The following ADAM12 variants were observed in gnomAD, a reference collection of about 807,000 sequenced individuals.
ADAM12 encodes the protein ADAM metallopeptidase domain 12, also known as disintegrin and metalloproteinase domain-containing protein 12.
Under a neutral mutation model 106.4 loss-of-function variants are expected in ADAM12, and 70 were observed. The ratio of observed to expected loss-of-function variants is 0.66; its 90% CI spans 0.54 to 0.80. ADAM12 has a LOEUF of 0.80. Among genes scored for constraint, ADAM12 ranks in the 30% least tolerant of loss-of-function variants. ADAM12 has a pLI of 0.00. For missense variants in ADAM12, 1,010 were observed against 1,171.9 expected (o/e 0.86, Z 2.02); for synonymous variants, 420 against 433.5 (o/e 0.97, Z 0.39).
At chr10:126,371,128 C>T (rs143774990) in intron 1 of ADAM12, among the ~76,000 whole-genome samples, 1 of 152,348 alleles carries the variant, frequency 6.6e-6, no homozygotes, top group Non-Finnish European at 1.5e-5. Context: ...ATGTCCTAGC[C>T]TTGGCTTTCC....
At chr10:126,370,188 G>C (rs1856061436) in intron 1 of ADAM12, among the ~76,000 whole-genome samples, 2 of 152,152 alleles carry the variant, frequency 1.3e-5, no homozygotes, top group African/African-American at 4.8e-5. Flanking sequence ...AGTGAAAGAA[G>C]CTGAATTAGA....
intron 13 of ADAM12, among the ~76,000 whole-genome samples, chr10:126,065,770 C>T (rs1954855023): frequency 6.6e-6 from 1 of 152,116 alleles, no homozygotes; most frequent in Non-Finnish European, 1.5e-5. Flanking sequence ...TAAAAGTGAA[C>T]CACAATCAGG....
At chr10:126,042,218 C>T (rs1410916903) in intron 18 of ADAM12, 2 of 1,613,654 alleles carry the variant, frequency 1.2e-6, no homozygotes, top group African/African-American at 1.3e-5. Context: ...TTGGACTCTG[C>T]AGCTTCCTGC....
At chr10:126,170,075 T>G (rs1957092129) in intron 3 of ADAM12, among the ~76,000 whole-genome samples, 1 of 152,216 alleles carries the variant, frequency 6.6e-6, no homozygotes, top group Non-Finnish European at 1.5e-5. Context: ...ATTGGTGCTT[T>G]GAGGCAGAAG....
intron 3 of ADAM12, among the ~76,000 whole-genome samples, chr10:126,216,863 ACC>A (rs1313295186): frequency 1.3e-5 from 2 of 152,264 alleles, no homozygotes; most frequent in Middle Eastern, 3.4e-3. Flanking sequence ...TCCATGAGGT[ACC>A]CCCAAAGGGC....
At chr10:126,334,067 T>A (rs1044748913) in intron 1 of ADAM12, among the ~76,000 whole-genome samples, 1 of 152,244 alleles carries the variant, frequency 6.6e-6, no homozygotes, top group Non-Finnish European at 1.5e-5. Flanking sequence ...TATGTATTTA[T>A]ACACTGGTAT....
intron 17 of ADAM12, among the ~76,000 whole-genome samples, chr10:126,044,071 C>G (rs1954250733): frequency 6.6e-6 from 1 of 152,120 alleles, no homozygotes; most frequent in Non-Finnish European, 1.5e-5. Flanking sequence ...ATGTAACTAA[C>G]TGAAAGTACA....
intron 1 of ADAM12, among the ~76,000 whole-genome samples, chr10:126,348,537 G>A (rs1288243961): frequency 6.6e-6 from 1 of 152,184 alleles, no homozygotes; most frequent in African/African-American, 2.4e-5. Flanking sequence ...GAGAACGGAT[G>A]CATATGAGGA....
rs1353932769 is a variant in ADAM12, at chr10:126,066,808, TG to T, written c.1324-3del. On this transcript the variant is annotated splice_region_variant and splice_polypyrimidine_tract_variant and intron_variant, in intron 12 of 22. Transcript: ENST00000448723. The surrounding 1 kb of genome is among the most constrained non-coding windows in gnomAD (Gnocchi z 5.1). Reference sequence around the variant, plus strand: ...ATTGCAGCAGCGATTCATACATTCCTGGAAAGGGGAATGGCATTTGTTTGAC... The same window carrying T: ...ATTGCAGCAGCGATTCATACATTCCTGAAAGGGGAATGGCATTTGTTTGAC... The T allele has an allele frequency of 7.4e-6, 12 of 1,613,184 alleles. No homozygotes were observed. Among genetic ancestry groups the T allele is most frequent in the Non-Finnish European group, 1.0e-5 (12 of 1,179,138 alleles).
At chr10:126,353,089 C>T (rs1855418443) in intron 1 of ADAM12, among the ~76,000 whole-genome samples, 1 of 152,184 alleles carries the variant, frequency 6.6e-6, no homozygotes, top group African/African-American at 2.4e-5. Flanking sequence ...CAGAGCATCT[C>T]CTGCATACCA....
intron 13 of ADAM12, among the ~76,000 whole-genome samples, chr10:126,065,416 G>A (rs12098279): frequency 0.093 from 14,140 of 152,264 alleles, 700 homozygotes; most frequent in Middle Eastern, 0.14. Flanking sequence ...GTGTTGGCAT[G>A]TGTGGGCAAG....
intron 6 of ADAM12, among the ~76,000 whole-genome samples, 161 bp from the exon 7 acceptor site, chr10:126,110,001 C>A (rs1565064787): frequency 6.6e-6 from 1 of 152,136 alleles, no homozygotes; most frequent in Non-Finnish European, 1.5e-5. Context: ...CCAACTCCAA[C>A]CAACTCTTTG....
At chr10:126,055,775 A>C (rs1954616701) in intron 14 of ADAM12, among the ~76,000 whole-genome samples, 2 of 152,112 alleles carry the variant, frequency 1.3e-5, no homozygotes, top group African/African-American at 4.8e-5. Flanking sequence ...CAACTTCTTC[A>C]CCAAATCTTT....
chr10:126,197,822 G>A (rs1415343872), intron 3 of ADAM12, among the ~76,000 whole-genome samples: 1 of 152,206 alleles, frequency 6.6e-6, no homozygotes, highest in Non-Finnish European at 1.5e-5. Flanking sequence ...TCTTTGGGAA[G>A]GGAGGGAGGT....
At chr10:126,101,041 T>G (rs1221334316) in intron 9 of ADAM12, 31 bp downstream of exon 9, 1 of 1,609,816 alleles carries the variant, frequency 6.2e-7, no homozygotes, top group African/African-American at 1.3e-5. Context: ...CACTCCTTTT[T>G]TTTTTAAGCA....
At chr10:126,174,757 C>CTT (rs201248510) in intron 3 of ADAM12, among the ~76,000 whole-genome samples, 7 of 145,552 alleles carry the variant, frequency 4.8e-5, no homozygotes, top group African/African-American at 1.8e-4. Context: ...CTCACCCCCC[C>CTT]TTTTTTTTTT....
At chr10:126,252,687 C>T (rs927206735) in intron 3 of ADAM12, among the ~76,000 whole-genome samples, 3 of 152,142 alleles carry the variant, frequency 2.0e-5, no homozygotes, top group African/African-American at 7.2e-5. Flanking sequence ...ATCTTTCTTA[C>T]TCAGTTCACC....
chr10:126,207,492 A>G (rs1169770428), intron 3 of ADAM12, among the ~76,000 whole-genome samples: 1 of 152,220 alleles, frequency 6.6e-6, no homozygotes, highest in Non-Finnish European at 1.5e-5. Flanking sequence ...AGTGCTCATG[A>G]TACATCTGTG....
intron 2 of ADAM12, among the ~76,000 whole-genome samples, chr10:126,287,563 C>A (rs1959928579): frequency 6.6e-6 from 1 of 152,038 alleles, no homozygotes; most frequent in South Asian, 2.1e-4. Flanking sequence ...TAGAACAAAA[C>A]CACGGCCTTC....
Sources: gnomAD v4.1 joint callset for allele counts (sites outside exome capture counted in the v4.1 genomes callset) on GRCh38, gnomAD v4.1.1 for gene constraint, Gnocchi (gnomAD v3.1) non-coding constraint, MANE v1.5 for transcripts, NCBI Gene and HGNC (gene_info 2026-07-23, HGNC 2026-07-21) for gene names.